The following NRG1 variants were observed in gnomAD, a reference collection of about 807,000 sequenced individuals.
NRG1 encodes the protein neuregulin 1.
In NRG1, 18 loss-of-function variants were observed where a neutral mutation model predicts 63.8. The observed-to-expected ratio is 0.28, with a 90% CI of 0.19 to 0.42. The LOEUF (loss-of-function observed/expected upper bound fraction) is 0.42. Among genes scored for constraint, NRG1 ranks in the 10% least tolerant of loss-of-function variants. NRG1 has a pLI of 1.00. For missense variants in NRG1, 762 were observed against 814.7 expected, an observed-to-expected ratio of 0.94 and a Z score of 0.79; for synonymous variants, 302 against 301.3, an observed-to-expected ratio of 1.00 and a Z score of -0.02.
intron 1 of NRG1, among the ~76,000 whole-genome samples, chr8:32,267,771 TGTTC>T (rs1851134118): frequency 6.6e-6 from 1 of 152,198 alleles, no homozygotes; most frequent in African/African-American, 2.4e-5. Flanking sequence ...ATGGAGCTGA[TGTTC>T]ATCTCTTCCT....
At chr8:32,236,439 G>A (rs1028039544) in intron 1 of NRG1, among the ~76,000 whole-genome samples, 1 of 152,062 alleles carries the variant, frequency 6.6e-6, no homozygotes, top group African/African-American at 2.4e-5. Context: ...GAGTGTGAAG[G>A]AATTTAAACT....
intron 1 of NRG1, among the ~76,000 whole-genome samples, chr8:32,010,687 C>A (rs1814611680): frequency 6.6e-6 from 1 of 152,046 alleles, no homozygotes; most frequent in African/African-American, 2.4e-5. Context: ...GCTCTCCCAG[C>A]ATTACCCTTC....
At chr8:32,463,865 C>T in intron 1 of NRG1, among the ~76,000 whole-genome samples, 1 of 98,316 alleles carries the variant, frequency 1.0e-5, no homozygotes, top group Non-Finnish European at 2.1e-5. Flanking sequence ...ACGAAAAAAA[C>T]TTAGAATTCT....
chr8:32,534,659 G>T (rs1831781838), intron 1 of NRG1, among the ~76,000 whole-genome samples: 1 of 152,072 alleles, frequency 6.6e-6, no homozygotes, highest in Non-Finnish European at 1.5e-5. Context: ...GCATATTAAT[G>T]TCTTTTACTG....
At chr8:32,237,791 G>GT (rs1161271690) in intron 1 of NRG1, among the ~76,000 whole-genome samples, 4 of 151,862 alleles carry the variant, frequency 2.6e-5, no homozygotes, top group Non-Finnish European at 4.4e-5. Context: ...TTATCATTTC[G>GT]TTTTTGACTT....
At position 32,614,574 on chromosome 8, in the gene NRG1, A is replaced by C; in HGVS notation, c.451+10A>C. 6.2e-7 allele frequency: 1 copy of C among 1,611,382 alleles called. No homozygotes were observed. On this transcript the variant is annotated intron_variant, in intron 4 of 11. Coordinates refer to ENST00000356819, the Ensembl canonical transcript of NRG1. ...GCATATGTGTCTTCAGGTAAGGAAA[A>C]TAAGCCTGGCAAATTTTACTAACCA...
At chr8:32,705,226 G>C (rs1454956758) in intron 5 of NRG1, among the ~76,000 whole-genome samples, 2 of 151,358 alleles carry the variant, frequency 1.3e-5, no homozygotes, top group African/African-American at 4.9e-5. Context: ...CCACCTCCCG[G>C]GTTCACACCT....
chr8:31,661,529 A>T (rs970849870), intron 1 of NRG1, among the ~76,000 whole-genome samples: 2 of 152,220 alleles, frequency 1.3e-5, no homozygotes, highest in African/African-American at 4.8e-5. Context: ...AACTCTGATG[A>T]TTATTTTGAT....
intron 1 of NRG1, among the ~76,000 whole-genome samples, chr8:32,389,160 A>G (rs1405796791): frequency 6.6e-6 from 1 of 152,176 alleles, no homozygotes; most frequent in African/African-American, 2.4e-5. Flanking sequence ...CTGTGTGTTG[A>G]AGAGTCACAG....
intron 1 of NRG1, among the ~76,000 whole-genome samples, chr8:32,172,087 G>C (rs551727377): frequency 6.6e-6 from 1 of 152,148 alleles, no homozygotes; most frequent in Non-Finnish European, 1.5e-5. Context: ...CTAACTGGGA[G>C]GCACCCCCCA....
intron 1 of NRG1, among the ~76,000 whole-genome samples, chr8:32,286,677 C>T (rs1398484924): frequency 6.6e-6 from 1 of 152,136 alleles, no homozygotes. Context: ...CCATATGATG[C>T]CTGCTACCCT....
intron 1 of NRG1, among the ~76,000 whole-genome samples, chr8:32,503,558 A>T (rs149025922): frequency 1.2e-3 from 184 of 152,308 alleles, no homozygotes; most frequent in African/African-American, 4.2e-3. Flanking sequence ...TAAGTTTAAT[A>T]GCCTTAAACC....
intron 1 of NRG1, among the ~76,000 whole-genome samples, chr8:31,761,372 C>T (rs2131518109): frequency 6.6e-6 from 1 of 152,112 alleles, no homozygotes; most frequent in South Asian, 2.1e-4. Flanking sequence ...TTAATGGGTG[C>T]AGCACACCAA....
intron 1 of NRG1, among the ~76,000 whole-genome samples, chr8:31,792,549 T>A (rs1231197818): frequency 2.6e-5 from 4 of 152,244 alleles, no homozygotes; most frequent in Non-Finnish European, 4.4e-5. Context: ...ACTCAGATTT[T>A]AAAAAAATTG....
intron 1 of NRG1, among the ~76,000 whole-genome samples, chr8:31,934,595 G>T (rs1835147052): frequency 6.6e-6 from 1 of 151,576 alleles, no homozygotes; most frequent in African/African-American, 2.4e-5. Flanking sequence ...TACTGTCATA[G>T]ACATTGGCTT....
intron 1 of NRG1, among the ~76,000 whole-genome samples, chr8:32,389,771 T>G: frequency 1.3e-5 from 1 of 78,548 alleles, no homozygotes; most frequent in Admixed American, 1.3e-4. Flanking sequence ...TTTTTTTTTT[T>G]TTTTTTTGAA....
chr8:31,740,077 G>A (rs4733094), intron 1 of NRG1, among the ~76,000 whole-genome samples: 30,066 of 150,352 alleles, frequency 0.2, 4,106 homozygotes, highest in East Asian at 0.65. Context: ...TGCCTTGTGG[G>A]AAAAAAAAAT....
chr8:32,674,886 A>C (rs976824325), intron 5 of NRG1, among the ~76,000 whole-genome samples: 4 of 152,166 alleles, frequency 2.6e-5, no homozygotes, highest in South Asian at 2.1e-4. Flanking sequence ...GTTGAGCCCA[A>C]GTCTCCTTCT....
intron 1 of NRG1, among the ~76,000 whole-genome samples, chr8:32,428,831 C>T (rs1214292080): frequency 6.6e-6 from 1 of 152,174 alleles, no homozygotes; most frequent in Non-Finnish European, 1.5e-5. Flanking sequence ...GGATCTGGCC[C>T]TGTATATTTT....
Sources: allele counts gnomAD v4.1 joint callset (sites outside exome capture counted in the v4.1 genomes callset), GRCh38; gene constraint gnomAD v4.1.1; transcripts MANE v1.5; gene names NCBI Gene and HGNC (gene_info 2026-07-23, HGNC 2026-07-21).